The following RUNDC3B variants were observed in gnomAD, a reference collection of about 807,000 sequenced individuals.
RUNDC3B encodes RUN domain containing 3B, also known as RUN domain-containing protein 3B.
RUNDC3B carries 33 observed loss-of-function variants against 58.4 expected under a neutral mutation model. The ratio of observed to expected loss-of-function variants is 0.56; its 90% CI spans 0.43 to 0.75. The LOEUF (loss-of-function observed/expected upper bound fraction) is 0.75. Ranked by LOEUF, RUNDC3B falls within the 30% of genes least tolerant of loss-of-function variation. RUNDC3B has a pLI of 0.00. For missense variants in RUNDC3B, 501 were observed against 535.7 expected, an observed-to-expected ratio of 0.94 and a Z score of 0.64; for synonymous variants, 193 against 195.2, an observed-to-expected ratio of 0.99 and a Z score of 0.10.
chr7:87,716,069 A>G (rs1563158750), intron 4 of RUNDC3B, among the ~76,000 whole-genome samples: 1 of 152,166 alleles, frequency 6.6e-6, no homozygotes. Flanking sequence ...GCAAAAATTA[A>G]TTGATTAATT....
chr7:87,633,404 T>C (rs539722974), intron 1 of RUNDC3B, among the ~76,000 whole-genome samples: 1 of 152,216 alleles, frequency 6.6e-6, no homozygotes, highest in Non-Finnish European at 1.5e-5. Context: ...TGAATCTGCC[T>C]CTATGAATAT....
intron 2 of RUNDC3B, among the ~76,000 whole-genome samples, chr7:87,667,292 G>A (rs1418136938): frequency 6.6e-6 from 1 of 152,002 alleles, no homozygotes; most frequent in Non-Finnish European, 1.5e-5. Flanking sequence ...AAGTTTGGCT[G>A]TTGTTGGTGT....
chr7:87,703,178 A>G (rs1048560063), intron 3 of RUNDC3B, among the ~76,000 whole-genome samples: 2 of 152,200 alleles, frequency 1.3e-5, no homozygotes, highest in African/African-American at 2.4e-5. Context: ...TCTATGTAAT[A>G]ACCGAAAGTA....
At chr7:87,807,972 T>C (rs371791939) in intron 9 of RUNDC3B, among the ~76,000 whole-genome samples, 7 of 152,252 alleles carry the variant, frequency 4.6e-5, no homozygotes, top group African/African-American at 1.7e-4. Flanking sequence ...CCACAAGATC[T>C]TTTTCTTATT....
intron 1 of RUNDC3B, among the ~76,000 whole-genome samples, chr7:87,630,428 C>A (rs1821098839): frequency 6.6e-6 from 1 of 152,218 alleles, no homozygotes. Flanking sequence ...GCCGTTTGTG[C>A]TGTCTAGGAT....
At chr7:87,640,529 G>T (rs1449915239) in intron 1 of RUNDC3B, among the ~76,000 whole-genome samples, 2 of 151,808 alleles carry the variant, frequency 1.3e-5, no homozygotes, top group Non-Finnish European at 2.9e-5. Flanking sequence ...TTAATTTGTA[G>T]ATATAGGATC....
intron 2 of RUNDC3B, among the ~76,000 whole-genome samples, chr7:87,663,391 C>A (rs1218238312): frequency 6.6e-6 from 1 of 151,972 alleles, no homozygotes; most frequent in Non-Finnish European, 1.5e-5. Flanking sequence ...TGTTTTCTCT[C>A]TATTTCCATC....
At chr7:87,678,130 T>C (rs1385292524) in intron 2 of RUNDC3B, among the ~76,000 whole-genome samples, 1 of 152,188 alleles carries the variant, frequency 6.6e-6, no homozygotes, top group Admixed American at 6.5e-5. Context: ...ACTGTGAATA[T>C]CTAAATAAAT....
chr7:87,803,873 C>T (rs537380852), intron 8 of RUNDC3B, among the ~76,000 whole-genome samples: 1 of 152,092 alleles, frequency 6.6e-6, no homozygotes, highest in African/African-American at 2.4e-5. Context: ...CAGCAAGAAT[C>T]CATATAAGGC....
At chr7:87,744,746 C>T (rs936845046) in intron 6 of RUNDC3B, among the ~76,000 whole-genome samples, 1 of 152,026 alleles carries the variant, frequency 6.6e-6, no homozygotes, top group African/African-American at 2.4e-5. Flanking sequence ...TCAAGGTAAA[C>T]GATCATATCA....
intron 7 of RUNDC3B, among the ~76,000 whole-genome samples, chr7:87,775,550 A>C (rs1649719532): frequency 6.6e-6 from 1 of 152,220 alleles, no homozygotes; most frequent in Non-Finnish European, 1.5e-5. Flanking sequence ...TATAAAGTCT[A>C]CAGTAGTGTA....
At chr7:87,726,690 C>T (rs111498445) in intron 4 of RUNDC3B, among the ~76,000 whole-genome samples, 4,303 of 152,154 alleles carry the variant, frequency 0.028, 198 homozygotes, top group African/African-American at 0.097. Flanking sequence ...GGCTGTATGG[C>T]CATTTTCAGG....
intron 1 of RUNDC3B, among the ~76,000 whole-genome samples, chr7:87,633,045 G>A: frequency 6.6e-6 from 1 of 152,100 alleles, no homozygotes. Context: ...AATAGTCTTA[G>A]TTTTCTATAG....
chr7:87,630,048 A>G (rs367731460), intron 1 of RUNDC3B, among the ~76,000 whole-genome samples: 4 of 152,170 alleles, frequency 2.6e-5, no homozygotes, highest in Admixed American at 6.5e-5. Context: ...CTAAGCATCA[A>G]TTTCTTAGGA....
At chr7:87,820,977 C>G (rs1443029451) in intron 10 of RUNDC3B, among the ~76,000 whole-genome samples, 3 of 150,466 alleles carry the variant, frequency 2.0e-5, no homozygotes, top group African/African-American at 4.9e-5. Context: ...TGAAAACTGG[C>G]ACAAGACAGG....
At chr7:87,751,251 G>A (rs1370912361) in intron 6 of RUNDC3B, among the ~76,000 whole-genome samples, 1 of 151,940 alleles carries the variant, frequency 6.6e-6, no homozygotes, top group Non-Finnish European at 1.5e-5. Flanking sequence ...CTCTGTTTTG[G>A]TACCAGTACC....
At chr7:87,740,489 T>C (rs1832255269) in intron 5 of RUNDC3B, among the ~76,000 whole-genome samples, 1 of 152,162 alleles carries the variant, frequency 6.6e-6, no homozygotes. Context: ...GATTTTACAT[T>C]ATATTGAAAG....
At chr7:87,701,488 A>T (rs908268831) in intron 3 of RUNDC3B, among the ~76,000 whole-genome samples, 1 of 152,258 alleles carries the variant, frequency 6.6e-6, no homozygotes, top group African/African-American at 2.4e-5. Flanking sequence ...TCAACATTTG[A>T]TGGAACTGCA....
At chr7:87,757,353 T>G (rs12532279) in intron 6 of RUNDC3B, among the ~76,000 whole-genome samples, 11,956 of 151,982 alleles carry the variant, frequency 0.079, 491 homozygotes, top group African/African-American at 0.1. Flanking sequence ...GGATACAAAA[T>G]CAACATAGGA....
Sources: allele counts gnomAD v4.1 joint callset (sites outside exome capture counted in the v4.1 genomes callset), GRCh38; gene constraint gnomAD v4.1.1; transcripts MANE v1.5; gene names NCBI Gene and HGNC (gene_info 2026-07-23, HGNC 2026-07-21).